Variants in PRH1 observed in about 807,000 individuals in gnomAD.
PRH1 encodes the protein proline rich protein HaeIII subfamily 1.
In PRH1, 7 loss-of-function variants were observed where a neutral mutation model predicts 7.9. The observed-to-expected ratio is 0.89, with a 90% CI of 0.50 to 1.67. The LOEUF (loss-of-function observed/expected upper bound fraction) is 1.67. Ranked by LOEUF, PRH1 falls within the 40% of genes most tolerant of loss-of-function variation. The probability of loss-of-function intolerance (pLI) is 0.00; values close to 1 mark genes in which losing one functional copy is unlikely to be tolerated. For synonymous variants in PRH1, 45 were observed against 80.8 expected, an observed-to-expected ratio of 0.56 and a Z score of 2.38; for missense variants, 109 against 223.6, an observed-to-expected ratio of 0.49 and a Z score of 3.27.
At chr12:10,966,841 C>T (rs1007296431) in intron 2 of PRH1, among the ~76,000 whole-genome samples, 2 of 152,058 alleles carry the variant, frequency 1.3e-5, no homozygotes, top group South Asian at 2.1e-4. Flanking sequence ...AGAGGCTGGG[C>T]GCGGTGGCTC....
In PRH1 at chr12:11,076,079, AAT is replaced by A. The variant is rs139636107; in HGVS notation, n.124-28893_124-28892del. The stretch of plus-strand genomic sequence containing the variant: ...ATCTGATACATATATATGTGGATGT[AAT>A]ATATATATATATATCAGATGAGGAG... On this transcript the variant is annotated intron_variant and non_coding_transcript_variant, in intron 1 of 4. Coordinates refer to the PRH1 transcript ENST00000541977. 2.0e-3 allele frequency among the ~76,000 whole-genome samples: 212 copies of A among 108,684 alleles called. 42 individuals carry two copies. Among genetic ancestry groups the A allele is most frequent in the African/African-American group, 3.0e-3 (99 of 32,964 alleles). 71.3% of individuals were successfully genotyped at this position (108,684 alleles called of 152,430 possible).
chr12:11,157,551 T>C (rs1228323101), intron 1 of PRH1, among the ~76,000 whole-genome samples: 1 of 152,240 alleles, frequency 6.6e-6, no homozygotes, highest in Non-Finnish European at 1.5e-5. Flanking sequence ...ATTATACAAA[T>C]GCTATTTACA....
chr12:11,141,901 C>T (rs1946713402), intron 1 of PRH1, among the ~76,000 whole-genome samples: 1 of 152,160 alleles, frequency 6.6e-6, no homozygotes, highest in Non-Finnish European at 1.5e-5. Context: ...GGTCCTCCCA[C>T]CTCACCTTCT....
At chr12:11,075,057 T>C (rs1314855820) in intron 1 of PRH1, among the ~76,000 whole-genome samples, 1 of 138,802 alleles carries the variant, frequency 7.2e-6, no homozygotes, top group Non-Finnish European at 1.6e-5. Context: ...TGGACTTGCC[T>C]TCCCAAATAA....
chr12:11,139,734 G>A (rs1176425689), intron 1 of PRH1, among the ~76,000 whole-genome samples: 6 of 152,120 alleles, frequency 3.9e-5, no homozygotes, highest in African/African-American at 1.4e-4. Flanking sequence ...CTGAAACTCA[G>A]TGATACGCAT....
chr12:10,978,762 C>T (rs1475488471), intron 1 of PRH1, among the ~76,000 whole-genome samples: 4 of 149,544 alleles, frequency 2.7e-5, no homozygotes, highest in African/African-American at 4.9e-5. Flanking sequence ...GAATAAAAGG[C>T]ATAGACAATT....
chr12:10,928,361 A>G (rs1187800476), intron 2 of PRH1, among the ~76,000 whole-genome samples: 1 of 152,190 alleles, frequency 6.6e-6, no homozygotes, highest in African/African-American at 2.4e-5. Context: ...GGTGAAGACT[A>G]CGGTATTTGT....
chr12:11,117,861 C>A (rs1385737610), downstream of PRH1, among the ~76,000 whole-genome samples: 1 of 152,128 alleles, frequency 6.6e-6, no homozygotes, highest in Non-Finnish European at 1.5e-5. Context: ...AACTGAATAT[C>A]CATATGCAGA....
intron 2 of PRH1, among the ~76,000 whole-genome samples, chr12:10,947,944 T>C (rs1303292193): frequency 6.6e-6 from 1 of 152,204 alleles, no homozygotes; most frequent in Non-Finnish European, 1.5e-5. Context: ...TTAAGAATGT[T>C]GAATATAGGC....
intron 1 of PRH1, among the ~76,000 whole-genome samples, chr12:11,015,649 T>C (rs1047906059): frequency 6.6e-6 from 1 of 152,146 alleles, no homozygotes; most frequent in Non-Finnish European, 1.5e-5. Context: ...TAAAATTTTC[T>C]TTTTGTGTGT....
intron 2 of PRH1, chr12:10,938,805 G>C: frequency 3.1e-6 from 5 of 1,613,302 alleles, no homozygotes; most frequent in Non-Finnish European, 4.2e-6. Context: ...GAAGTCACAA[G>C]AAGCAGCACC....
At chr12:11,083,035 T>C (rs111686571) in intron 1 of PRH1, among the ~76,000 whole-genome samples, 10 of 104,466 alleles carry the variant, frequency 9.6e-5, no homozygotes, top group South Asian at 2.5e-4. Context: ...AAAAAATTTG[T>C]AATATCAAAA....
intron 1 of PRH1, among the ~76,000 whole-genome samples, chr12:11,032,638 ATATT>A (rs1228147668): frequency 6.6e-6 from 1 of 152,180 alleles, no homozygotes; most frequent in African/African-American, 2.4e-5. Flanking sequence ...CCCATGAATA[ATATT>A]TATTTATCAA....
At chr12:11,021,136 TAAC>T (rs987192771) in intron 1 of PRH1, among the ~76,000 whole-genome samples, 5 of 152,194 alleles carry the variant, frequency 3.3e-5, no homozygotes, top group African/African-American at 1.2e-4. Context: ...CATCATTAAC[TAAC>T]AACAATTCTA....
rs1565730551 is a variant in PRH1 at position 11,171,369 on chromosome 12, G to A, written n.39+53C>T. The A allele has an allele frequency of 6.5e-6, 8 of 1,231,774 alleles. No individual in the cohort carries two copies. In the South Asian group the frequency reaches 3.3e-4, roughly 51 times the overall value. 76.3% of individuals were successfully genotyped at this position (1,231,774 alleles called of 1,614,324 possible). ...CGACACCTGGCTCATGGCCCCCGCG[G>A]CGGCTCCGTCCTCCTTGGCCGTCAG... On this transcript the variant is annotated intron_variant and non_coding_transcript_variant, in intron 1 of 1. Transcript: ENST00000541175.
chr12:10,952,135 T>C (rs1005138627), intron 2 of PRH1, among the ~76,000 whole-genome samples: 1 of 152,210 alleles, frequency 6.6e-6, no homozygotes, highest in African/African-American at 2.4e-5. Context: ...GAAACAAGGA[T>C]TGCTCGTGTT....
chr12:11,084,999 T>C lies in PRH1; in HGVS notation n.124-37811A>G, dbSNP rs1254296073. 8.0e-5 allele frequency among the ~76,000 whole-genome samples: 9 copies of C among 112,418 alleles called. 2 individuals carry two copies. Among genetic ancestry groups the C allele is most frequent in the South Asian group, 2.4e-4 (1 of 4,132 alleles). 73.8% of individuals were successfully genotyped at this position (112,418 alleles called of 152,430 possible). On this transcript the variant is annotated intron_variant and non_coding_transcript_variant, in intron 1 of 4. Coordinates refer to the PRH1 transcript ENST00000541977. The stretch of plus-strand genomic sequence containing the variant: ...AGCTAATTTTTTTTTTCTTGGTATT[T>C]TTTGTAGAGACAGGGTTTCACCGTG...
Position 10,954,485 on chromosome 12 carries a change from T to C in PRH1, c.-59+19170A>G, listed in dbSNP as rs536216724. The stretch of plus-strand genomic sequence containing the variant: ...CTTCTTTTTGTTTGTTTGTTTGTTT[T>C]GAGTCAGGGTCTCACTCTGTTGCCC... On this transcript the variant is annotated intron_variant, in intron 2 of 3. Coordinates refer to the PRH1 transcript ENST00000539853. Among the ~76,000 whole-genome samples, 4 of 151,808 alleles carry C rather than the reference T, an allele frequency of 2.6e-5. No homozygotes were observed. In the East Asian group the frequency reaches 7.7e-4, roughly 29 times the overall value.
intron 1 of PRH1, among the ~76,000 whole-genome samples, chr12:11,104,181 T>TAAAA (rs760838136): frequency 8.1e-5 from 4 of 49,550 alleles, no homozygotes; most frequent in African/African-American, 1.7e-4. Context: ...AATGAAAGAG[T>TAAAA]AAAAAAAAAA....
Sources: allele counts gnomAD v4.1 joint callset (sites outside exome capture counted in the v4.1 genomes callset), GRCh38; gene constraint gnomAD v4.1.1; transcripts MANE v1.5; gene names NCBI Gene and HGNC (gene_info 2026-07-23, HGNC 2026-07-21).